The following RINT1 variants were observed in gnomAD, a reference collection of about 807,000 sequenced individuals.
The protein encoded by RINT1 is RAD50 interactor 1.
In RINT1, 75 loss-of-function variants were observed where a neutral mutation model predicts 97.7. That is an observed-to-expected ratio of 0.77 (90% CI 0.64 to 0.93). The LOEUF (loss-of-function observed/expected upper bound fraction) is 0.93, where lower values mean the gene tolerates loss of function less well. Ranked by LOEUF, RINT1 falls within the 40% of genes least tolerant of loss-of-function variation. The pLI, the probability that RINT1 is intolerant of heterozygous loss-of-function variation, is 0.00. For synonymous variants in RINT1, 303 were observed against 326.3 expected, an observed-to-expected ratio of 0.93 and a Z score of 0.77; for missense variants, 892 against 925.2, an observed-to-expected ratio of 0.96 and a Z score of 0.47.
intron 3 of RINT1, among the ~76,000 whole-genome samples, chr7:105,539,053 T>C (rs1200233429): frequency 2.6e-5 from 4 of 152,252 alleles, no homozygotes; most frequent in Non-Finnish European, 4.4e-5. Context: ...TTGTTATCTA[T>C]CTCTACTTTT....
At chr7:105,541,353 T>C (rs534880487) in intron 3 of RINT1, among the ~76,000 whole-genome samples, 15 of 151,170 alleles carry the variant, frequency 9.9e-5, no homozygotes, top group African/African-American at 3.4e-4. Flanking sequence ...GCCAGGCTGG[T>C]CTTGAACTCC....
At chr7:105,558,293 CAAAAA>C (rs11345013) in intron 11 of RINT1, among the ~76,000 whole-genome samples, 1 of 139,162 alleles carries the variant, frequency 7.2e-6, no homozygotes, top group Non-Finnish European at 1.5e-5. Flanking sequence ...AAAACAGTCT[CAAAAA>C]AAAAAAAAAA....
intron 10 of RINT1, among the ~76,000 whole-genome samples, chr7:105,554,632 G>T (rs939534192): frequency 4.6e-5 from 7 of 151,862 alleles, no homozygotes; most frequent in Non-Finnish European, 8.8e-5. Flanking sequence ...TAGAGATGAG[G>T]TGTCACCATG....
At chr7:105,544,751 A>T (rs1014989833) in intron 4 of RINT1, among the ~76,000 whole-genome samples, 1 of 152,172 alleles carries the variant, frequency 6.6e-6, no homozygotes. Context: ...AACTCTTCAG[A>T]TATCTGAATT....
Position 105,554,924 on chromosome 7 carries a change from A to G in RINT1, c.1472-104A>G, listed in dbSNP as rs1281334093. 2.4e-5 allele frequency: 20 copies of G among 843,944 alleles called. No homozygotes were observed. In the Admixed American group the frequency reaches 3.1e-4, roughly 13 times the overall value. The allele number at this position is 843,944 out of a possible 1,614,324, so 52.3% of individuals were successfully genotyped here. A position where few individuals can be genotyped will look rare whatever the true frequency, so the allele number is the denominator to read the frequency against. On this transcript the variant is annotated intron_variant, in intron 10 of 14. Coordinates refer to ENST00000257700, the MANE Select transcript of RINT1 (RefSeq NM_021930.6). Reference sequence around the variant, plus strand: ...TAAATCCATTCTTGACTACTGGTCAATTGATTTTTGACAAAAGCACTGAAG... The same window carrying G: ...TAAATCCATTCTTGACTACTGGTCAGTTGATTTTTGACAAAAGCACTGAAG...
intron 3 of RINT1, 24 bp from the exon 4 acceptor site, chr7:105,542,384 T>A: frequency 6.6e-7 from 1 of 1,526,414 alleles, no homozygotes; most frequent in Non-Finnish European, 8.9e-7. Context: ...TCTTTCTTTC[T>A]TTCTTTTTTA....
Position 105,536,654 on chromosome 7 carries a change from A to G in RINT1, c.178A>G (p.Ile60Val), listed in dbSNP as rs745420669. Residue 60 changes from isoleucine (I) to valine (V), a missense_variant, in exon 3 of 15, where the codon ATA (isoleucine) becomes GTA (valine). Transcript: ENST00000257700. The part of the protein sequence containing the change: ...GDLPSYVSAF[I>V]EKEVGNDLKS... ...TCTCCCTTCTTATGTGTCTGCATTC[A>G]TAGAAAAGGAAGTTGGAAATGACCT... The G allele has an allele frequency of 9.3e-6, 15 of 1,612,836 alleles. No homozygotes were observed. The highest frequency in any genetic ancestry group is 2.2e-5 in the East Asian group (1 of 44,838).
In RINT1 at chr7:105,532,250, G is replaced by C; in HGVS notation, c.-66G>C. 1 of 1,521,934 alleles carries C rather than the reference G, an allele frequency of 6.6e-7. No homozygotes were observed. The highest frequency in any genetic ancestry group is 1.2e-5 in the South Asian group (1 of 83,360). 94.3% of individuals were successfully genotyped at this position (1,521,934 alleles called of 1,614,324 possible). ...GAGGCTGGGTAGTGAGTGTGTCGCTGGCCTTAGCCAGACTCCACAGGCCAC... is the reference window on the plus strand; with the variant it reads ...GAGGCTGGGTAGTGAGTGTGTCGCTCGCCTTAGCCAGACTCCACAGGCCAC... On this transcript the variant is annotated 5_prime_UTR_variant, in exon 1 of 15. Coordinates refer to ENST00000257700, the MANE Select transcript of RINT1 (RefSeq NM_021930.6).
intron 9 of RINT1, 73 bp downstream of exon 9, chr7:105,550,559 T>G: frequency 8.9e-7 from 1 of 1,129,346 alleles, no homozygotes; most frequent in Middle Eastern, 2.0e-4. Flanking sequence ...ATATTTTTCT[T>G]CTCCAGTTCT....
intron 10 of RINT1, among the ~76,000 whole-genome samples, chr7:105,553,837 C>A (rs914413382): frequency 1.3e-5 from 2 of 150,210 alleles, no homozygotes; most frequent in Non-Finnish European, 1.5e-5. Context: ...TCTCCTACCT[C>A]AGCCTCCTGA....
In RINT1 at chr7:105,550,397, T is replaced by C. The variant is rs2133402172; in HGVS notation, c.1244T>C (p.Val415Ala). ...VLLFERELHS[V>A]HGYPGTFASC... ...TTGTTTGAAAGGGAGCTACACAGTG[T>C]TCATGGCTATCCTGGCACTTTTGCT... Residue 415 changes from valine (V) to alanine (A), a missense_variant, in exon 9 of 15, where the codon GTT becomes GCT. Transcript: ENST00000257700. The C allele has an allele frequency of 6.2e-7, 1 of 1,614,172 alleles. No homozygotes were observed. Among genetic ancestry groups the C allele is most frequent in the South Asian group, 1.1e-5 (1 of 91,082 alleles).
chr7:105,565,284 T>C lies in RINT1; in HGVS notation c.1894T>C (p.Ser632Pro). 1 of 1,587,484 alleles carries C rather than the reference T, an allele frequency of 6.3e-7. No homozygotes were observed. Among genetic ancestry groups the C allele is most frequent in the Non-Finnish European group, 8.6e-7 (1 of 1,164,264 alleles). ...AAAATGTGTTTTTTCCAGATGGTTG[T>C]CCTTGCCATCTCAGTCAGAGCAGGC... ...AKLYKKERWL[S>P]LPSQSEQAVM... Residue 632 changes from serine to proline, a missense_variant, in exon 13 of 15, where the codon TCC becomes CCC. Transcript: ENST00000257700.
At chr7:105,533,001 A>C in intron 2 of RINT1, 132 bp downstream of exon 2, 3 of 785,912 alleles carry the variant, frequency 3.8e-6, no homozygotes, top group Non-Finnish European at 6.6e-6. Context: ...CTTATATGGT[A>C]ATACTGATGA....
intron 6 of RINT1, among the ~76,000 whole-genome samples, chr7:105,548,191 C>T (rs960969973): frequency 1.1e-4 from 16 of 152,126 alleles, no homozygotes; most frequent in Admixed American, 7.2e-4. Flanking sequence ...CCATGCCCCG[C>T]TAATTTTTGT....
intron 11 of RINT1, among the ~76,000 whole-genome samples, chr7:105,561,858 G>T (rs189301689): frequency 2.4e-3 from 365 of 151,828 alleles, no homozygotes; most frequent in African/African-American, 8.1e-3. Context: ...CACCACGCCT[G>T]GCCGATAGTG....
In RINT1 at chr7:105,563,397, G is replaced by C. The variant is rs554961144; in HGVS notation, c.1672-336G>C. On this transcript the variant is annotated intron_variant, in intron 11 of 14. Transcript: ENST00000257700. ...TAGTTTTGAGATGGAGTCTCACTTTGTCGCCCAGGCTGGAGTGCAGAGGCA... is the reference window on the plus strand; with the variant it reads ...TAGTTTTGAGATGGAGTCTCACTTTCTCGCCCAGGCTGGAGTGCAGAGGCA... Among the ~76,000 whole-genome samples the C allele has an allele frequency of 2.6e-5, 4 of 152,250 alleles. No individual in the cohort carries two copies. In the South Asian group the frequency reaches 8.3e-4, roughly 32 times the overall value.
rs952224777 is a variant in RINT1, at chr7:105,565,475, G to A, written c.2067+18G>A. ...ACCAAGAAGTAAGTAAGAATAGACTGTTTTTGGGCTGTGATAATAAAGACA... is the reference window on the plus strand; with the variant it reads ...ACCAAGAAGTAAGTAAGAATAGACTATTTTTGGGCTGTGATAATAAAGACA... On this transcript the variant is annotated intron_variant, in intron 13 of 14. Transcript: ENST00000257700. 2.5e-6 allele frequency: 4 copies of A among 1,611,484 alleles called. No homozygotes were observed. The highest frequency in any genetic ancestry group is 1.3e-5 in the African/African-American group (1 of 74,818).
intron 2 of RINT1, among the ~76,000 whole-genome samples, chr7:105,535,874 G>T (rs750454405): frequency 1.3e-5 from 2 of 152,068 alleles, no homozygotes; most frequent in Non-Finnish European, 2.9e-5. Context: ...TCTTCTTTTG[G>T]TGTTGCCCTA....
intron 2 of RINT1, among the ~76,000 whole-genome samples, chr7:105,534,157 G>A (rs372554817): frequency 1.3e-5 from 2 of 151,884 alleles, no homozygotes; most frequent in East Asian, 1.9e-4. Context: ...TGCAAGCTCC[G>A]CCTCTGAGTT....
Sources: allele counts gnomAD v4.1 joint callset (sites outside exome capture counted in the v4.1 genomes callset), GRCh38; gene constraint gnomAD v4.1.1; transcripts MANE v1.5; gene names NCBI Gene and HGNC (gene_info 2026-07-23, HGNC 2026-07-21).